Variants in PITPNA observed in about 807,000 individuals in gnomAD.
PITPNA encodes the protein phosphatidylinositol transfer protein alpha.
A neutral mutation model predicts 50.3 loss-of-function variants in PITPNA; 13 were observed. That is an observed-to-expected ratio of 0.26 (90% confidence interval 0.17 to 0.41). The LOEUF (loss-of-function observed/expected upper bound fraction) is 0.41, where lower values mean the gene tolerates loss of function less well. Ranked by LOEUF, PITPNA falls within the 10% of genes least tolerant of loss-of-function variation. The probability of loss-of-function intolerance (pLI) is 1.00; values close to 1 mark genes in which losing one functional copy is unlikely to be tolerated. For missense variants in PITPNA, 207 were observed against 333.4 expected (o/e 0.62, Z 2.95); for synonymous variants, 120 against 119.6 (o/e 1.00, Z -0.02).
Position 1,534,192 on chromosome 17 carries a change from G to A in PITPNA, c.675C>T (p.His225=), listed in dbSNP as rs1313557013. The A allele has an allele frequency of 1.2e-6, 2 of 1,613,822 alleles. No individual in the cohort carries two copies. The highest frequency in any genetic ancestry group is 1.7e-6 in the Non-Finnish European group (2 of 1,179,874). Residue 225 remains histidine (H), a synonymous_variant, in exon 10 of 12, where the codon CAC becomes CAT. Transcript: ENST00000313486. ...KQERRLFTNF[H]RQLFCWLDKW... is the part of the protein sequence containing the mutation. ...TATCGAGCCAACAGAACAGCTGCCT[G>A]TGGAAGTTTGTAAACAGACGCCTCT...
chr17:1,530,972 G>C (rs535600375), intron 10 of PITPNA, among the ~76,000 whole-genome samples: 21 of 152,212 alleles, frequency 1.4e-4, no homozygotes, highest in Admixed American at 3.9e-4. Flanking sequence ...CTTTTTGAAA[G>C]TCCAAATGGA....
At chr17:1,532,375 C>A (rs1462025031) in intron 10 of PITPNA, among the ~76,000 whole-genome samples, 1 of 152,080 alleles carries the variant, frequency 6.6e-6, no homozygotes, top group Admixed American at 6.6e-5. Flanking sequence ...GTGTGAGCCA[C>A]CGTGCCTGGC....
At chr17:1,545,523 A>G (rs2075668695) in intron 4 of PITPNA, among the ~76,000 whole-genome samples, 1 of 152,232 alleles carries the variant, frequency 6.6e-6, no homozygotes, top group Non-Finnish European at 1.5e-5. Flanking sequence ...CCTGAATAGG[A>G]GGTCAGCACC....
intron 3 of PITPNA, among the ~76,000 whole-genome samples, chr17:1,550,232 C>T (rs2075701109): frequency 6.6e-6 from 1 of 152,116 alleles, no homozygotes; most frequent in Non-Finnish European, 1.5e-5. Flanking sequence ...TCTACTGGGG[C>T]GTGTAACTAG....
intron 3 of PITPNA, among the ~76,000 whole-genome samples, chr17:1,548,898 C>G (rs963670720): frequency 6.6e-6 from 1 of 151,560 alleles, no homozygotes; most frequent in Non-Finnish European, 1.5e-5. Context: ...CTACTCAATT[C>G]TTTTTTTTTG....
intron 4 of PITPNA, among the ~76,000 whole-genome samples, chr17:1,546,045 A>G (rs1358176953): frequency 6.7e-6 from 1 of 149,518 alleles, no homozygotes; most frequent in East Asian, 2.0e-4. Flanking sequence ...CTCCTGCCTC[A>G]GCCTCCCAAG....
chr17:1,534,183 C>T lies in PITPNA; in HGVS notation c.684G>A (p.Leu228=), dbSNP rs764210140. The T allele has an allele frequency of 1.1e-5, 17 of 1,613,836 alleles. No individual in the cohort carries two copies. In the East Asian group the frequency reaches 3.6e-4, roughly 34 times the overall value. ...CAACCCACTTATCGAGCCAACAGAACAGCTGCCTGTGGAAGTTTGTAAACA... is the reference window on the plus strand; with the variant it reads ...CAACCCACTTATCGAGCCAACAGAATAGCTGCCTGTGGAAGTTTGTAAACA... ...RRLFTNFHRQ[L]FCWLDKWVDL... is the part of the protein sequence containing the mutation. The change falls in exon 10 of 12, where the codon CTG becomes CTA. Residue 228 remains leucine, a synonymous_variant. Transcript: ENST00000313486.
intron 10 of PITPNA, among the ~76,000 whole-genome samples, chr17:1,531,210 G>A (rs1196484444): frequency 1.3e-5 from 2 of 152,130 alleles, no homozygotes; most frequent in East Asian, 3.8e-4. Context: ...CTTCCTCAGT[G>A]TGGCCTCCAG....
At position 1,540,315 on chromosome 17, in the gene PITPNA, T is replaced by A. The variant is rs151189939; in HGVS notation, c.372+1251A>T. Among the ~76,000 whole-genome samples, 422 of 152,294 alleles carry A rather than the reference T, an allele frequency of 2.8e-3. 5 individuals are homozygous for A. Among genetic ancestry groups the A allele is most frequent in the African/African-American group, 9.8e-3 (408 of 41,552 alleles). On this transcript the variant is annotated intron_variant, in intron 6 of 11. Coordinates refer to ENST00000313486, the MANE Select transcript of PITPNA (RefSeq NM_006224.4). Reference sequence around the variant, plus strand: ...TTCAAAATTACAAAAGGATACAATATAGAGTAACTAGAGTAACTCCTCTTC... The same window carrying A: ...TTCAAAATTACAAAAGGATACAATAAAGAGTAACTAGAGTAACTCCTCTTC...
At position 1,527,778 on chromosome 17, in the gene PITPNA, A is replaced by C. The variant is rs1424309851; in HGVS notation, c.769-6133T>G. Among the ~76,000 whole-genome samples, 4 of 152,236 alleles carry C rather than the reference A, an allele frequency of 2.6e-5. No individual in the cohort carries two copies. In the East Asian group the frequency reaches 7.7e-4, roughly 29 times the overall value. ...TTATTACATTGTACTATAGTTTTGC[A>C]AGATGTTACCATTGGCAAAAACTGG... is the stretch of plus-strand genomic sequence containing the variant. On this transcript the variant is annotated intron_variant, in intron 10 of 11. Coordinates refer to ENST00000313486, the MANE Select transcript of PITPNA (RefSeq NM_006224.4).
intron 9 of PITPNA, among the ~76,000 whole-genome samples, chr17:1,534,868 G>T (rs115964426): frequency 0.044 from 6,775 of 152,332 alleles, 522 homozygotes; most frequent in African/African-American, 0.15. Context: ...CAGTGCAAGG[G>T]AAGGTGGGCA....
chr17:1,534,058 G>C (rs374194242), intron 10 of PITPNA, 41 bp downstream of exon 10: 2 of 1,611,222 alleles, frequency 1.2e-6, no homozygotes, highest in Non-Finnish European at 1.7e-6. Flanking sequence ...CTTAATCTTC[G>C]TTTGTTTATC....
chr17:1,523,699 C>T (rs777565607), intron 10 of PITPNA, among the ~76,000 whole-genome samples: 12 of 151,886 alleles, frequency 7.9e-5, no homozygotes, highest in Non-Finnish European at 1.6e-4. Context: ...TTAATAGGGA[C>T]GGGGTTTCAC....
Position 1,541,056 on chromosome 17 carries a change from G to A in PITPNA, c.372+510C>T, listed in dbSNP as rs1325049564. Reference sequence around the variant, plus strand: ...TGGGACCACAGGCACATACCACCATGCCCAGCTAATTCTTTTTTTATTTTT... The same window carrying A: ...TGGGACCACAGGCACATACCACCATACCCAGCTAATTCTTTTTTTATTTTT... On this transcript the variant is annotated intron_variant, in intron 6 of 11. Coordinates refer to ENST00000313486, the MANE Select transcript of PITPNA (RefSeq NM_006224.4). Among the ~76,000 whole-genome samples, 4 of 152,048 alleles carry A rather than the reference G, an allele frequency of 2.6e-5. 1 individual carries two copies. Among genetic ancestry groups the A allele is most frequent in the Non-Finnish European group, 5.9e-5 (4 of 68,008 alleles).
At chr17:1,553,299 C>T (rs764919425) in intron 2 of PITPNA, 150 bp from the exon 3 acceptor site, 186 of 779,890 alleles carry the variant, frequency 2.4e-4, no homozygotes, top group Non-Finnish European at 3.6e-4. Context: ...CTTGCCCAAA[C>T]CCACCCAAAG....
chr17:1,531,219 A>G (rs1375151089), intron 10 of PITPNA, among the ~76,000 whole-genome samples: 1 of 152,162 alleles, frequency 6.6e-6, no homozygotes, highest in African/African-American at 2.4e-5. Flanking sequence ...TGTGGCCTCC[A>G]GAATGCTGGC....
intron 7 of PITPNA, among the ~76,000 whole-genome samples, chr17:1,536,984 C>T (rs184728439): frequency 6.6e-5 from 10 of 151,666 alleles, no homozygotes; most frequent in East Asian, 5.8e-4. Flanking sequence ...ATGGAACCTC[C>T]GCCTCCTGAG....
chr17:1,551,063 G>A (rs1231533775), intron 3 of PITPNA, among the ~76,000 whole-genome samples: 2 of 150,954 alleles, frequency 1.3e-5, no homozygotes, highest in South Asian at 2.1e-4. Flanking sequence ...AGAGTATTGC[G>A]GGGCGGAGTC....
chr17:1,549,190 G>A (rs542434645), intron 3 of PITPNA, among the ~76,000 whole-genome samples: 1 of 150,914 alleles, frequency 6.6e-6, no homozygotes, highest in African/African-American at 2.4e-5. Flanking sequence ...ACAGGCATGA[G>A]CCACCGCGCC....
Sources: gnomAD v4.1 joint callset for allele counts (sites outside exome capture counted in the v4.1 genomes callset) on GRCh38, gnomAD v4.1.1 for gene constraint, MANE v1.5 for transcripts, NCBI Gene and HGNC (gene_info 2026-07-23, HGNC 2026-07-21) for gene names.